GALK2: variants seen among roughly 807,000 people sequenced by gnomAD.
The protein encoded by GALK2 is N-acetylgalactosamine kinase.
GALK2 carries 36 observed loss-of-function variants against 52.4 expected under a neutral mutation model. The observed-to-expected ratio is 0.69, with a 90% CI of 0.53 to 0.91. The LOEUF is 0.91. GALK2 is among the 40% of genes least tolerant of loss of function. GALK2 has a pLI of 0.00. For missense variants in GALK2, 579 were observed against 559.1 expected (o/e 1.04, Z -0.36); for synonymous variants, 176 against 199.1 (o/e 0.88, Z 0.98).
At chr15:49,303,822 T>C (rs932610874) in intron 8 of GALK2, among the ~76,000 whole-genome samples, 6 of 152,188 alleles carry the variant, frequency 3.9e-5, no homozygotes, top group Non-Finnish European at 8.8e-5. Flanking sequence ...GTCTTCTCAT[T>C]TGTGGCTGCC....
At chr15:49,289,103 T>A (rs1450700083) in intron 7 of GALK2, among the ~76,000 whole-genome samples, 1 of 152,236 alleles carries the variant, frequency 6.6e-6, no homozygotes, top group Non-Finnish European at 1.5e-5. Flanking sequence ...ATAATTGGAT[T>A]AAGTTCTTTA....
chr15:49,208,542 A>G (rs989932312), intron 2 of GALK2, among the ~76,000 whole-genome samples: 1 of 152,164 alleles, frequency 6.6e-6, no homozygotes, highest in Non-Finnish European at 1.5e-5. Flanking sequence ...CAATTTTCTT[A>G]AATTTATTAA....
At chr15:49,197,367 T>C (rs1036811647) in intron 1 of GALK2, among the ~76,000 whole-genome samples, 8 of 152,232 alleles carry the variant, frequency 5.3e-5, no homozygotes, top group Non-Finnish European at 1.2e-4. Context: ...GTGACTAATA[T>C]GTTTGATTTC....
chr15:49,287,847 A>C (rs184771102), intron 7 of GALK2, among the ~76,000 whole-genome samples: 1 of 152,306 alleles, frequency 6.6e-6, no homozygotes, highest in East Asian at 1.9e-4. Context: ...TCAAGTTAAC[A>C]CAGAGAAGTA....
chr15:49,186,780 G>A (rs775554674), intron 1 of GALK2, among the ~76,000 whole-genome samples: 4 of 151,936 alleles, frequency 2.6e-5, no homozygotes, highest in Non-Finnish European at 4.4e-5. Flanking sequence ...CTCATGATCC[G>A]CCCACCTTGG....
chr15:49,341,806 G>T (rs1307250696), intron 3 of GALK2, among the ~76,000 whole-genome samples: 3 of 152,094 alleles, frequency 2.0e-5, no homozygotes, highest in Non-Finnish European at 4.4e-5. Flanking sequence ...ATTGTTTACA[G>T]TCAGGCAGGG....
At chr15:49,236,779 C>T (rs1297432922) in intron 4 of GALK2, among the ~76,000 whole-genome samples, 1 of 152,168 alleles carries the variant, frequency 6.6e-6, no homozygotes, top group Non-Finnish European at 1.5e-5. Flanking sequence ...TTTTAGAGAG[C>T]TTGTGTTCCT....
At chr15:49,237,018 C>T (rs1468975171) in intron 4 of GALK2, among the ~76,000 whole-genome samples, 1 of 152,114 alleles carries the variant, frequency 6.6e-6, no homozygotes, top group East Asian at 1.9e-4. Context: ...GGTTTTAAAT[C>T]TTCAAATCAT....
intron 1 of GALK2, among the ~76,000 whole-genome samples, chr15:49,191,317 G>T (rs969695811): frequency 1.3e-5 from 2 of 151,978 alleles, no homozygotes; most frequent in Non-Finnish European, 2.9e-5. Flanking sequence ...GGGAAATTTG[G>T]CTATTGTCTC....
intron 1 of GALK2, among the ~76,000 whole-genome samples, chr15:49,197,300 G>A (rs1595614130): frequency 6.6e-6 from 1 of 152,108 alleles, no homozygotes. Flanking sequence ...CCTATTTTAG[G>A]AGCAAAATTG....
intron 8 of GALK2, among the ~76,000 whole-genome samples, chr15:49,303,007 A>G (rs1361214735): frequency 6.6e-6 from 1 of 152,226 alleles, no homozygotes; most frequent in Non-Finnish European, 1.5e-5. Context: ...TCAAGTTTGC[A>G]GAAAATTTGC....
intron 5 of GALK2, among the ~76,000 whole-genome samples, chr15:49,264,883 C>G (rs989776189): frequency 6.6e-6 from 1 of 152,200 alleles, no homozygotes; most frequent in African/African-American, 2.4e-5. Context: ...GGCTGTAGTA[C>G]AGCGGATTTT....
chr15:49,258,175 G>A (rs1353222923), intron 5 of GALK2, among the ~76,000 whole-genome samples: 3 of 151,950 alleles, frequency 2.0e-5, no homozygotes, highest in East Asian at 1.9e-4. Context: ...ACTATTCCTG[G>A]CACTGGGGTA....
intron 2 of GALK2, among the ~76,000 whole-genome samples, chr15:49,204,039 T>G (rs1331461973): frequency 6.8e-6 from 1 of 147,990 alleles, no homozygotes; most frequent in Non-Finnish European, 1.5e-5. Context: ...CTCTTGAATC[T>G]GGGAGGCGGA....
chr15:49,220,988 T>A (rs575775554), intron 3 of GALK2, among the ~76,000 whole-genome samples: 1 of 152,368 alleles, frequency 6.6e-6, no homozygotes, highest in Non-Finnish European at 1.5e-5. Context: ...TATTAGTTCC[T>A]TGTTGGATGA....
intron 3 of GALK2, among the ~76,000 whole-genome samples, chr15:49,350,990 G>A (rs941399961): frequency 3.9e-5 from 6 of 152,162 alleles, no homozygotes; most frequent in Non-Finnish European, 8.8e-5. Context: ...GCACATATAT[G>A]CTACACAGTT....
intron 8 of GALK2, among the ~76,000 whole-genome samples, chr15:49,308,863 T>A (rs2035758513): frequency 6.6e-6 from 1 of 152,256 alleles, no homozygotes; most frequent in African/African-American, 2.4e-5. Flanking sequence ...ATTTCACTGC[T>A]GCAGTGGGCA....
intron 2 of GALK2, among the ~76,000 whole-genome samples, chr15:49,204,007 C>T (rs1052186166): frequency 1.1e-4 from 17 of 150,936 alleles, no homozygotes; most frequent in African/African-American, 3.7e-4. Flanking sequence ...CCCAGCTACG[C>T]AGGGGGCTGA....
At chr15:49,162,660 T>G (rs563600882) in intron 1 of GALK2, among the ~76,000 whole-genome samples, 2 of 152,326 alleles carry the variant, frequency 1.3e-5, no homozygotes, top group African/African-American at 4.8e-5. Context: ...GATTGTTAAG[T>G]CAATCCTGAT....
Sources: allele counts gnomAD v4.1 joint callset (sites outside exome capture counted in the v4.1 genomes callset), GRCh38; gene constraint gnomAD v4.1.1; transcripts MANE v1.5; gene names NCBI Gene and HGNC (gene_info 2026-07-23, HGNC 2026-07-21).